The following MACC1 variants were observed in gnomAD, a reference collection of about 807,000 sequenced individuals.
MACC1 encodes MET transcriptional regulator MACC1, also known as metastasis-associated in colon cancer protein 1.
MACC1 carries 79 observed loss-of-function variants against 70.7 expected under a neutral mutation model. That is an observed-to-expected ratio of 1.12 (90% CI 0.93 to 1.35). MACC1 has a LOEUF of 1.35. MACC1 is among the 40% of genes most tolerant of loss of function. The probability of loss-of-function intolerance (pLI) is 0.00; values close to 1 mark genes in which losing one functional copy is unlikely to be tolerated. For synonymous variants in MACC1, 361 were observed against 347.2 expected (o/e 1.04, Z -0.44); for missense variants, 1,106 against 978.1 (o/e 1.13, Z -1.74).
chr7:20,158,901 A>T lies in MACC1; in HGVS notation c.1460T>A (p.Val487Asp). The T allele has an allele frequency of 6.2e-7, 1 of 1,614,048 alleles. No homozygotes were observed. The highest frequency in any genetic ancestry group is 8.5e-7 in the Non-Finnish European group (1 of 1,180,024). ...TTCACCATTGGGAGGCTCCACTTGA[A>T]CACAAAAATCAAACAAGTGCATCTC... ...HREMHLFDFC[V>D]QVEPPNGEPV... Residue 487 changes from valine to aspartate, a missense_variant, in exon 5 of 7, where the codon GTT becomes GAT. Coordinates refer to ENST00000400331, the MANE Select transcript of MACC1 (RefSeq NM_182762.4).
intron 1 of MACC1, among the ~76,000 whole-genome samples, chr7:20,174,146 A>C (rs564694970): frequency 6.6e-6 from 1 of 152,320 alleles, no homozygotes; most frequent in African/African-American, 2.4e-5. Flanking sequence ...TTCTAGAATA[A>C]GTTATGAATA....
intron 1 of MACC1, among the ~76,000 whole-genome samples, chr7:20,192,831 C>T (rs770096705): frequency 6.6e-6 from 1 of 152,116 alleles, no homozygotes; most frequent in Admixed American, 6.5e-5. Flanking sequence ...AAACACGGTA[C>T]TCATGAAGAT....
At chr7:20,172,777 T>C (rs1018461605) in intron 1 of MACC1, among the ~76,000 whole-genome samples, 1 of 152,216 alleles carries the variant, frequency 6.6e-6, no homozygotes, top group Admixed American at 6.5e-5. Context: ...TCCTCTCCTT[T>C]TTCCTCCATC....
rs1487571399 is a variant in MACC1, at chr7:20,136,854, ATTATTAATT to A, written c.*4083_*4091del. ...AGATTATTATTAATTATTAATTGTAATTATTAATTCTTAAAGATTATTAATTATAATATT... is the reference window on the plus strand; with the variant it reads ...AGATTATTATTAATTATTAATTGTAACTTAAAGATTATTAATTATAATATT... On this transcript the variant is annotated 3_prime_UTR_variant, in exon 7 of 7. Coordinates refer to ENST00000400331, the MANE Select transcript of MACC1 (RefSeq NM_182762.4). 1 of 141,446 alleles carries A rather than the reference ATTATTAATT, an allele frequency of 7.1e-6. No homozygotes were observed. Among genetic ancestry groups the A allele is most frequent in the African/African-American group, 2.5e-5 (1 of 40,574 alleles). The allele number at this position is 141,446 out of a possible 1,614,324, so 8.8% of individuals were successfully genotyped here. A position where few individuals can be genotyped will look rare whatever the true frequency, so the allele number is the denominator to read the frequency against.
intron 6 of MACC1, among the ~76,000 whole-genome samples, chr7:20,144,029 T>C (rs995696541): frequency 2.0e-5 from 3 of 152,216 alleles, no homozygotes; most frequent in Non-Finnish European, 2.9e-5. Context: ...ACCTGAATAT[T>C]CCTTTGGTGC....
rs1360030248 is a variant in MACC1 at position 20,136,638 on chromosome 7, C to T, written c.*4308G>A. On this transcript the variant is annotated 3_prime_UTR_variant, in exon 7 of 7. Coordinates refer to ENST00000400331, the MANE Select transcript of MACC1 (RefSeq NM_182762.4). ...ACATATGCAAGAAACAAACCTTCGA[C>T]ATGCCATTTGATTCTGAAAAAATGT... The T allele has an allele frequency of 1.3e-5, 2 of 152,000 alleles. No individual in the cohort carries two copies. Among genetic ancestry groups the T allele is most frequent in the African/African-American group, 4.8e-5 (2 of 41,378 alleles). 9.4% of individuals were successfully genotyped at this position (152,000 alleles called of 1,614,324 possible).
At position 20,138,121 on chromosome 7, in the gene MACC1, C is replaced by A. The variant is rs1338951150; in HGVS notation, c.*2825G>T. The stretch of plus-strand genomic sequence containing the variant: ...TGAGTCAAGATTGAAACACCGCACT[C>A]CAGTCTGGGCAACAGAGCCAGACTC... On this transcript the variant is annotated 3_prime_UTR_variant, in exon 7 of 7. Transcript: ENST00000400331. 1.1e-4 allele frequency: 15 copies of A among 137,714 alleles called. No homozygotes were observed. The highest frequency in any genetic ancestry group is 2.0e-4 in the Non-Finnish European group (13 of 65,986). 8.5% of individuals were successfully genotyped at this position (137,714 alleles called of 1,614,324 possible). A position where few individuals can be genotyped will look rare whatever the true frequency, so the allele number is the denominator to read the frequency against.
chr7:20,155,254 C>T (rs906763413), intron 5 of MACC1, among the ~76,000 whole-genome samples: 16 of 152,136 alleles, frequency 1.1e-4, no homozygotes, highest in Admixed American at 9.2e-4. Context: ...TCCAAGAATC[C>T]AAAGGAGTCA....
intron 2 of MACC1, among the ~76,000 whole-genome samples, chr7:20,166,511 A>G (rs1422969768): frequency 6.6e-6 from 1 of 152,158 alleles, no homozygotes; most frequent in Non-Finnish European, 1.5e-5. Flanking sequence ...TTTTAATAGT[A>G]TACACCATAC....
intron 2 of MACC1, among the ~76,000 whole-genome samples, chr7:20,165,511 T>C (rs898395742): frequency 6.9e-6 from 1 of 144,028 alleles, no homozygotes; most frequent in African/African-American, 2.7e-5. Context: ...TTTTTTTCTA[T>C]GAATCCAAGG....
chr7:20,155,525 T>C (rs1195317880), intron 5 of MACC1, among the ~76,000 whole-genome samples: 1 of 152,188 alleles, frequency 6.6e-6, no homozygotes, highest in African/African-American at 2.4e-5. Flanking sequence ...TGGTTGATGG[T>C]AGGTAACCCA....
chr7:20,211,027 T>C (rs1782989159), intron 1 of MACC1, among the ~76,000 whole-genome samples: 1 of 152,156 alleles, frequency 6.6e-6, no homozygotes, highest in South Asian at 2.1e-4. Flanking sequence ...CTATTATGTG[T>C]GTATGTATGC....
chr7:20,204,614 A>G (rs1198322243), intron 1 of MACC1, among the ~76,000 whole-genome samples: 1 of 152,242 alleles, frequency 6.6e-6, no homozygotes, highest in African/African-American at 2.4e-5. Flanking sequence ...CAACCTGGAA[A>G]ACTGAATGAA....
chr7:20,164,321 T>G lies in MACC1; in HGVS notation c.-74A>C, dbSNP rs1782181330. The stretch of plus-strand genomic sequence containing the variant: ...CCTGTGACCCCTCCTTCTTTATTGT[T>G]ATACTCTTCTTTCTAATTCTTGATT... On this transcript the variant is annotated 5_prime_UTR_variant, in exon 3 of 7. Coordinates refer to ENST00000400331, the MANE Select transcript of MACC1 (RefSeq NM_182762.4). The G allele has an allele frequency of 6.6e-6, 1 of 152,214 alleles. No individual in the cohort carries two copies. The highest frequency in any genetic ancestry group is 2.4e-5 in the African/African-American group (1 of 41,460). 9.4% of individuals were successfully genotyped at this position (152,214 alleles called of 1,614,324 possible).
chr7:20,203,458 C>G (rs1280218519), intron 1 of MACC1, among the ~76,000 whole-genome samples: 1 of 152,150 alleles, frequency 6.6e-6, no homozygotes, highest in Non-Finnish European at 1.5e-5. Context: ...TTGGAAGATC[C>G]TGAGAAGCTT....
In MACC1 at chr7:20,159,314, A is replaced by G. The variant is rs1302782816; in HGVS notation, c.1047T>C (p.Ala349=). The change falls in exon 5 of 7, where the codon GCT becomes GCC. Residue 349 remains alanine (A), a synonymous_variant. Coordinates refer to ENST00000400331, the MANE Select transcript of MACC1 (RefSeq NM_182762.4). ...DLSQVMYLVV[A]AQAKALPSPA... ...GTGACGGAAGAGCTTTAGCTTGTGC[A>G]GCAACCACTAGATACATTACCTGAC... 6.2e-7 allele frequency: 1 copy of G among 1,613,994 alleles called. No homozygotes were observed. Among genetic ancestry groups the G allele is most frequent in the African/African-American group, 1.3e-5 (1 of 74,934 alleles).
intron 6 of MACC1, among the ~76,000 whole-genome samples, chr7:20,146,071 G>A (rs61218534): frequency 2.0e-5 from 3 of 150,426 alleles, no homozygotes; most frequent in African/African-American, 7.4e-5. Flanking sequence ...TGAGGCAGGA[G>A]AATCGCTTGA....
intron 1 of MACC1, among the ~76,000 whole-genome samples, chr7:20,191,981 T>A (rs1206396177): frequency 6.6e-6 from 1 of 152,160 alleles, no homozygotes; most frequent in African/African-American, 2.4e-5. Flanking sequence ...AGGATCATAA[T>A]AATAAACGAA....
intron 1 of MACC1, among the ~76,000 whole-genome samples, chr7:20,173,787 C>T (rs979106239): frequency 5.9e-5 from 9 of 152,104 alleles, no homozygotes; most frequent in African/African-American, 2.2e-4. Flanking sequence ...GTGCCATGAA[C>T]CTGTTTTAGT....
Sources: gnomAD v4.1 joint callset for allele counts (sites outside exome capture counted in the v4.1 genomes callset) on GRCh38, gnomAD v4.1.1 for gene constraint, MANE v1.5 for transcripts, NCBI Gene and HGNC (gene_info 2026-07-23, HGNC 2026-07-21) for gene names.